The following BRIP1 variants were observed in gnomAD, a reference collection of about 807,000 sequenced individuals.
The protein encoded by BRIP1 is BRCA1 interacting DNA helicase 1.
A neutral mutation model predicts 119.7 loss-of-function variants in BRIP1; 88 were observed. That is an observed-to-expected ratio of 0.74 (90% CI 0.62 to 0.88). The LOEUF is 0.88. BRIP1 is among the 40% of genes least tolerant of loss of function. The pLI, the probability that BRIP1 is intolerant of heterozygous loss-of-function variation, is 0.00. For synonymous variants in BRIP1, 443 were observed against 496.5 expected, an observed-to-expected ratio of 0.89 and a Z score of 1.43; for missense variants, 1,259 against 1,455.4, an observed-to-expected ratio of 0.87 and a Z score of 2.20.
At chr17:61,833,912 A>C (rs2078531136) in intron 6 of BRIP1, among the ~76,000 whole-genome samples, 1 of 152,192 alleles carries the variant, frequency 6.6e-6, no homozygotes, top group Non-Finnish European at 1.5e-5. Flanking sequence ...GAAAAGAAAA[A>C]TACATAAATA....
rs1378712536 is a variant in BRIP1, at chr17:61,761,282, A to AT, written c.2097+15118dup. On this transcript the variant is annotated intron_variant, in intron 14 of 19. Transcript: ENST00000259008. The surrounding 1 kb of genome is among the most constrained non-coding windows in gnomAD (Gnocchi z 6.4). ...ATTTGGCCAATAAAGGCCAAATATG[A>AT]TAAGACCACACTTAACATTATATTC... is the stretch of plus-strand genomic sequence containing the variant. 6.6e-6 allele frequency among the ~76,000 whole-genome samples: 1 copy of AT among 152,002 alleles called. No individual in the cohort carries two copies. The highest frequency in any genetic ancestry group is 2.4e-5 in the African/African-American group (1 of 41,440).
chr17:61,800,412 T>C (rs2077972580), intron 8 of BRIP1, among the ~76,000 whole-genome samples: 1 of 152,122 alleles, frequency 6.6e-6, no homozygotes, highest in African/African-American at 2.4e-5. Flanking sequence ...CAAAGAGGTG[T>C]CATCAAAAGC....
chr17:61,745,800 G>A lies in BRIP1; in HGVS notation c.2098-1209C>T, dbSNP rs2077051000. ...GTGGCATACAGCAATGGCAATACATGGAAATACATTTATAGCTTTAAATAT... is the reference window on the plus strand; with the variant it reads ...GTGGCATACAGCAATGGCAATACATAGAAATACATTTATAGCTTTAAATAT... On this transcript the variant is annotated intron_variant, in intron 14 of 19. Coordinates refer to ENST00000259008, the MANE Select transcript of BRIP1 (RefSeq NM_032043.3). This position sits in a 1 kb window ranked among gnomAD's most constrained non-coding sequence, Gnocchi z 4.4. Among the ~76,000 whole-genome samples the A allele has an allele frequency of 6.6e-6, 1 of 151,950 alleles. No individual in the cohort carries two copies. Among genetic ancestry groups the A allele is most frequent in the East Asian group, 1.9e-4 (1 of 5,200 alleles).
chr17:61,787,769 T>C (rs1214203895), intron 10 of BRIP1, among the ~76,000 whole-genome samples: 2 of 152,114 alleles, frequency 1.3e-5, no homozygotes, highest in East Asian at 1.9e-4. Flanking sequence ...CTCAGCCTCC[T>C]GAGTAGCGGG....
At chr17:61,811,201 T>C (rs2078155690) in intron 6 of BRIP1, among the ~76,000 whole-genome samples, 1 of 152,088 alleles carries the variant, frequency 6.6e-6, no homozygotes, top group African/African-American at 2.4e-5. Context: ...CTCAAGAAGA[T>C]GGTTTTCTTT....
chr17:61,731,992 T>A (rs1402236568), intron 16 of BRIP1, among the ~76,000 whole-genome samples: 22 of 138,736 alleles, frequency 1.6e-4, no homozygotes, highest in African/African-American at 5.6e-4. Flanking sequence ...TTTTTTTTTT[T>A]TTTTTTTTTT....
chr17:61,811,117 A>C (rs901401754), intron 6 of BRIP1, among the ~76,000 whole-genome samples: 2 of 152,188 alleles, frequency 1.3e-5, no homozygotes, highest in African/African-American at 4.8e-5. Flanking sequence ...CTTTATATTA[A>C]ATGTTTTTGT....
intron 3 of BRIP1, 94 bp downstream of exon 3, chr17:61,859,702 C>T (rs914094439): frequency 9.9e-6 from 8 of 812,022 alleles, no homozygotes; most frequent in Admixed American, 5.7e-5. Flanking sequence ...TTTAAGTTAG[C>T]GACAGCATGG....
intron 6 of BRIP1, among the ~76,000 whole-genome samples, chr17:61,821,569 G>A (rs1050553732): frequency 6.8e-6 from 1 of 147,596 alleles, no homozygotes; most frequent in Admixed American, 6.8e-5. Flanking sequence ...TCATTCTGTT[G>A]CCCAGGCTGG....
chr17:61,720,999 G>A lies in BRIP1; in HGVS notation c.2380-4936C>T, dbSNP rs558843012. ...TGGGACTACAGGCGGCCGCCACCAT[G>A]CCTAGCTAATTTTTGTATTTTTAGT... On this transcript the variant is annotated intron_variant, in intron 16 of 19. Coordinates refer to ENST00000259008, the MANE Select transcript of BRIP1 (RefSeq NM_032043.3). This position sits in a 1 kb window ranked among gnomAD's most constrained non-coding sequence, Gnocchi z 4.3. Among the ~76,000 whole-genome samples the A allele has an allele frequency of 4.0e-5, 6 of 151,898 alleles. No individual in the cohort carries two copies. The South Asian group carries it at 1.2e-3, about 32-fold the overall frequency.
chr17:61,682,634 T>C lies in BRIP1; in HGVS notation c.*662A>G, dbSNP rs1249781658. ...TTGGACTGATTTGAGGTAAAATCTATAGCGAAATATGACTGAGGTGTCACT... is the reference window on the plus strand; with the variant it reads ...TTGGACTGATTTGAGGTAAAATCTACAGCGAAATATGACTGAGGTGTCACT... On this transcript the variant is annotated 3_prime_UTR_variant, in exon 20 of 20. Coordinates refer to ENST00000259008, the MANE Select transcript of BRIP1 (RefSeq NM_032043.3). This position sits in a 1 kb window ranked among gnomAD's most constrained non-coding sequence, Gnocchi z 4.9. 2 of 196,578 alleles carry C rather than the reference T, an allele frequency of 1.0e-5. No homozygotes were observed. Among genetic ancestry groups the C allele is most frequent in the Non-Finnish European group, 2.1e-5 (2 of 94,820 alleles). 12.2% of individuals were successfully genotyped at this position (196,578 alleles called of 1,614,324 possible).
In BRIP1 at chr17:61,751,006, T is replaced by C. The variant is rs2077124455; in HGVS notation, c.2098-6415A>G. The stretch of plus-strand genomic sequence containing the variant: ...GTATATAACCCCAAATATCTGAAAG[T>C]ACTAGGATCCAAACAAACAGCTGTA... On this transcript the variant is annotated intron_variant, in intron 14 of 19. Transcript: ENST00000259008. The surrounding 1 kb of genome is among the most constrained non-coding windows in gnomAD (Gnocchi z 6.7). Among the ~76,000 whole-genome samples the C allele has an allele frequency of 6.6e-6, 1 of 152,154 alleles. No homozygotes were observed. Among genetic ancestry groups the C allele is most frequent in the South Asian group, 2.1e-4 (1 of 4,836 alleles).
At position 61,755,592 on chromosome 17, in the gene BRIP1, G is replaced by A. The variant is rs2077190404; in HGVS notation, c.2098-11001C>T. Among the ~76,000 whole-genome samples the A allele has an allele frequency of 6.6e-6, 1 of 151,964 alleles. No individual in the cohort carries two copies. Among genetic ancestry groups the A allele is most frequent in the African/African-American group, 2.4e-5 (1 of 41,384 alleles). On this transcript the variant is annotated intron_variant, in intron 14 of 19. Coordinates refer to ENST00000259008, the MANE Select transcript of BRIP1 (RefSeq NM_032043.3). This position sits in a 1 kb window ranked among gnomAD's most constrained non-coding sequence, Gnocchi z 4.5. ...AATAAAAATAAAATATTAAAAATAA[G>A]AGTATCCAGATGCTTTGTAAGATGA...
Position 61,686,252 on chromosome 17 carries a change from T to C in BRIP1, c.2576-87A>G. 6 of 1,198,274 alleles carry C rather than the reference T, an allele frequency of 5.0e-6. No homozygotes were observed. Among genetic ancestry groups the C allele is most frequent in the Non-Finnish European group, 7.4e-6 (6 of 811,926 alleles). The allele number at this position is 1,198,274 out of a possible 1,614,324, so 74.2% of individuals were successfully genotyped here. A position where few individuals can be genotyped will look rare whatever the true frequency, so the allele number is the denominator to read the frequency against. On this transcript the variant is annotated intron_variant, in intron 18 of 19. Transcript: ENST00000259008. This position sits in a 1 kb window ranked among gnomAD's most constrained non-coding sequence, Gnocchi z 5.4. ...AAGGTAATACACTTGCTTTTTCTAG[T>C]GAAGTAACCTAATTTGTATTTTGAA...
chr17:61,768,885 G>A lies in BRIP1; in HGVS notation c.2097+7516C>T, dbSNP rs1305810906. 6.6e-6 allele frequency among the ~76,000 whole-genome samples: 1 copy of A among 151,996 alleles called. No homozygotes were observed. Among genetic ancestry groups the A allele is most frequent in the Non-Finnish European group, 1.5e-5 (1 of 68,006 alleles). ...GTGGACCTGACTTAATCAGGTAAAAGTCCTTAAAAGATACAATGCACCCCT... is the reference window on the plus strand; with the variant it reads ...GTGGACCTGACTTAATCAGGTAAAAATCCTTAAAAGATACAATGCACCCCT... On this transcript the variant is annotated intron_variant, in intron 14 of 19. Transcript: ENST00000259008. This position sits in a 1 kb window ranked among gnomAD's most constrained non-coding sequence, Gnocchi z 5.0.
At chr17:61,801,640 A>G (rs1405990329) in intron 7 of BRIP1, among the ~76,000 whole-genome samples, 166 bp from the exon 8 acceptor site, 1 of 152,230 alleles carries the variant, frequency 6.6e-6, no homozygotes, top group Non-Finnish European at 1.5e-5. Flanking sequence ...AGACAATACC[A>G]TAGCTACAAT....
Position 61,758,274 on chromosome 17 carries a change from T to C in BRIP1, c.2098-13683A>G, listed in dbSNP as rs768294588. ...AATTCAACTATATGTTTCATTCTTT[T>C]CCTGAATAGATTAACTGTAGGCGAA... On this transcript the variant is annotated intron_variant, in intron 14 of 19. Transcript: ENST00000259008. This position sits in a 1 kb window ranked among gnomAD's most constrained non-coding sequence, Gnocchi z 5.3. Among the ~76,000 whole-genome samples the C allele has an allele frequency of 6.6e-6, 1 of 152,224 alleles. No homozygotes were observed. The highest frequency in any genetic ancestry group is 1.5e-5 in the Non-Finnish European group (1 of 68,032).
chr17:61,735,153 C>T lies in BRIP1; in HGVS notation c.2379+7860G>A, dbSNP rs1306414362. 1.3e-5 allele frequency among the ~76,000 whole-genome samples: 2 copies of T among 152,152 alleles called. No homozygotes were observed. The highest frequency in any genetic ancestry group is 2.9e-5 in the Non-Finnish European group (2 of 68,018). On this transcript the variant is annotated intron_variant, in intron 16 of 19. Coordinates refer to ENST00000259008, the MANE Select transcript of BRIP1 (RefSeq NM_032043.3). This position sits in a 1 kb window ranked among gnomAD's most constrained non-coding sequence, Gnocchi z 4.4. ...ATAGGGAATAGGAGTATGGCAGACA[C>T]ACCCTAAGGTGATATACAGAGAGTC...
In BRIP1 at chr17:61,846,691, A is replaced by G. The variant is rs567666887; in HGVS notation, c.627+410T>C. Among the ~76,000 whole-genome samples, 3 of 152,232 alleles carry G rather than the reference A, an allele frequency of 2.0e-5. No individual in the cohort carries two copies. The East Asian group carries it at 5.8e-4, about 29-fold the overall frequency. ...CGTGAGCCACCACGCCTGGCCTACA[A>G]CATCTTAATATTATTACAAAAATAA... On this transcript the variant is annotated intron_variant, in intron 6 of 19. Coordinates refer to ENST00000259008, the MANE Select transcript of BRIP1 (RefSeq NM_032043.3). The surrounding 1 kb of genome is among the most constrained non-coding windows in gnomAD (Gnocchi z 4.3).
Sources: allele counts gnomAD v4.1 joint callset (sites outside exome capture counted in the v4.1 genomes callset), GRCh38; gene constraint gnomAD v4.1.1; non-coding constraint Gnocchi (gnomAD v3.1); transcripts MANE v1.5; gene names NCBI Gene and HGNC (gene_info 2026-07-23, HGNC 2026-07-21).